The following SCHIP1 variants were observed in gnomAD, a reference collection of about 807,000 sequenced individuals.
The protein encoded by SCHIP1 is schwannomin-interacting protein 1.
Under a neutral mutation model 29.7 loss-of-function variants are expected in SCHIP1, and 8 were observed. The ratio of observed to expected loss-of-function variants is 0.27; its 90% CI spans 0.16 to 0.49. The LOEUF (loss-of-function observed/expected upper bound fraction) is 0.49. Among genes scored for constraint, SCHIP1 ranks in the 20% least tolerant of loss-of-function variants. SCHIP1 has a pLI of 0.99. For missense variants in SCHIP1, 193 were observed against 294.6 expected (o/e 0.66, Z 2.52); for synonymous variants, 76 against 94.9 (o/e 0.80, Z 1.16).
chr3:159,363,119 T>C, the SCHIP1 span, among the ~76,000 whole-genome samples: 4 of 152,122 alleles, frequency 2.6e-5, no homozygotes, highest in Non-Finnish European at 2.9e-5. Context: ...CCCTTGAGTA[T>C]GTATAGTTGG....
At chr3:159,695,633 G>A in the SCHIP1 span, among the ~76,000 whole-genome samples, 1 of 152,106 alleles carries the variant, frequency 6.6e-6, no homozygotes, top group Middle Eastern at 3.4e-3. Flanking sequence ...AATCCATTTG[G>A]GACTTGGATT....
chr3:159,811,980 G>GTTTT, the SCHIP1 span, among the ~76,000 whole-genome samples: 3 of 134,758 alleles, frequency 2.2e-5, no homozygotes, highest in Admixed American at 7.5e-5. Flanking sequence ...TTTTGTTTTT[G>GTTTT]TTTTTTTTTT....
chr3:159,496,492 A>C, the SCHIP1 span, among the ~76,000 whole-genome samples: 1 of 152,220 alleles, frequency 6.6e-6, no homozygotes, highest in Non-Finnish European at 1.5e-5. Context: ...CAGCCAAAAA[A>C]CACATGAAAA....
the SCHIP1 span, among the ~76,000 whole-genome samples, chr3:159,677,891 A>G: frequency 6.6e-6 from 1 of 152,166 alleles, no homozygotes. Flanking sequence ...GCTGGGGTGC[A>G]GTGGTGCCAT....
At position 159,843,001 on chromosome 3, in the gene SCHIP1, C is replaced by CTTTTTTTTTTTTTTTTTTTTTTTTTTTTT. The variant is rs566940351; in HGVS notation, c.30+2815_30+2816insTTTTTTTTTTTTTTTTTTTTTTTTTTTTT. ...TCCAGTTCTATCCCAATATTTCTTT[C>CTTTTTTTTTTTTTTTTTTTTTTTTTTTTT]TTTTTTTTTTTTTTTTTTTTTTTTT... On this transcript the variant is annotated intron_variant, in intron 1 of 6. Coordinates refer to ENST00000445224, the Ensembl canonical transcript of SCHIP1. Among the ~76,000 whole-genome samples, 29 of 63,732 alleles carry CTTTTTTTTTTTTTTTTTTTTTTTTTTTTT rather than the reference C, an allele frequency of 4.6e-4. 3 individuals are homozygous for CTTTTTTTTTTTTTTTTTTTTTTTTTTTTT. Among genetic ancestry groups the CTTTTTTTTTTTTTTTTTTTTTTTTTTTTT allele is most frequent in the South Asian group, 8.9e-4 (1 of 1,120 alleles). The allele number at this position is 63,732 out of a possible 152,430, so 41.8% of individuals were successfully genotyped here.
chr3:159,369,524 AAAAT>A, the SCHIP1 span, among the ~76,000 whole-genome samples: 3 of 152,296 alleles, frequency 2.0e-5, no homozygotes, highest in South Asian at 6.2e-4. Flanking sequence ...GGGGGGGAAT[AAAAT>A]AAATTTATTT....
the SCHIP1 span, chr3:159,763,940 AGGGGC>A: frequency 6.3e-3 from 898 of 142,210 alleles, 13 homozygotes; most frequent in Non-Finnish European, 7.1e-3. Context: ...CGGGCGGGGA[AGGGGC>A]GGGGCGGGGC....
At chr3:159,592,705 T>C in the SCHIP1 span, among the ~76,000 whole-genome samples, 1 of 152,060 alleles carries the variant, frequency 6.6e-6, no homozygotes, top group Non-Finnish European at 1.5e-5. Flanking sequence ...CTCCCTCTAC[T>C]TTGTTCATAT....
the SCHIP1 span, among the ~76,000 whole-genome samples, chr3:159,588,684 G>T: frequency 6.6e-6 from 1 of 152,146 alleles, no homozygotes; most frequent in East Asian, 1.9e-4. Flanking sequence ...TCTACATATG[G>T]CTAGCCAGTT....
chr3:159,657,975 C>T, the SCHIP1 span, among the ~76,000 whole-genome samples: 30 of 152,332 alleles, frequency 2.0e-4, no homozygotes, highest in Admixed American at 1.8e-3. Context: ...GATGCAGCAG[C>T]CTGTGGGCTA....
chr3:159,886,486 A>G, intron 3 of SCHIP1, 162 bp downstream of exon 4: 1 of 598,754 alleles, frequency 1.7e-6, no homozygotes, highest in East Asian at 2.8e-5. Flanking sequence ...TTAAAAAGTC[A>G]AAGTTGTAAT....
the SCHIP1 span, among the ~76,000 whole-genome samples, chr3:159,739,665 T>C: frequency 6.6e-6 from 1 of 152,240 alleles, no homozygotes; most frequent in Non-Finnish European, 1.5e-5. Context: ...ATCTTCTTGC[T>C]CTTTAACCTT....
the SCHIP1 span, among the ~76,000 whole-genome samples, chr3:159,655,216 T>C: frequency 6.6e-6 from 1 of 152,250 alleles, no homozygotes. Context: ...TACCAGTTAC[T>C]ACTGTTGTAT....
intron 1 of SCHIP1, among the ~76,000 whole-genome samples, chr3:159,842,376 G>A (rs560746481): frequency 5.3e-5 from 8 of 152,166 alleles, no homozygotes; most frequent in East Asian, 1.9e-4. Context: ...CATTGTTGTC[G>A]TGGTTGTTAT....
chr3:159,661,820 C>A, the SCHIP1 span, among the ~76,000 whole-genome samples: 1 of 152,140 alleles, frequency 6.6e-6, no homozygotes, highest in East Asian at 1.9e-4. Context: ...AAAGTCAGTG[C>A]TCAGTCGTCC....
the SCHIP1 span, among the ~76,000 whole-genome samples, chr3:159,300,794 C>T: frequency 1.3e-5 from 2 of 152,244 alleles, no homozygotes; most frequent in African/African-American, 4.8e-5. Context: ...ATAATTCCTC[C>T]TCTCTCCCTC....
the SCHIP1 span, among the ~76,000 whole-genome samples, chr3:159,511,211 C>G: frequency 2.6e-5 from 4 of 152,352 alleles, no homozygotes; most frequent in African/African-American, 7.2e-5. Flanking sequence ...GCAGTTCAAT[C>G]TCAGGCTGCT....
the SCHIP1 span, among the ~76,000 whole-genome samples, chr3:159,312,333 G>A: frequency 2.0e-5 from 3 of 152,102 alleles, no homozygotes; most frequent in African/African-American, 7.2e-5. Context: ...ATGGGCCATG[G>A]CTCAGTAACC....
the SCHIP1 span, among the ~76,000 whole-genome samples, chr3:159,733,487 T>A: frequency 2.0e-5 from 3 of 152,058 alleles, no homozygotes; most frequent in Non-Finnish European, 1.5e-5. Flanking sequence ...CCCAGGAATT[T>A]AAAAAAAGAG....
Sources: gnomAD v4.1 joint callset for allele counts (sites outside exome capture counted in the v4.1 genomes callset) on GRCh38, gnomAD v4.1.1 for gene constraint, MANE v1.5 for transcripts, NCBI Gene and HGNC (gene_info 2026-07-23, HGNC 2026-07-21) for gene names.